The following GLS2 variants were observed in gnomAD, a reference collection of about 807,000 sequenced individuals.
The protein encoded by GLS2 is glutaminase liver isoform, mitochondrial.
GLS2 carries 52 observed loss-of-function variants against 79.0 expected under a neutral mutation model. The ratio of observed to expected loss-of-function variants is 0.66; its 90% CI spans 0.53 to 0.83. The LOEUF (loss-of-function observed/expected upper bound fraction) is 0.83, where lower values mean the gene tolerates loss of function less well. GLS2 is among the 40% of genes least tolerant of loss of function. The pLI, the probability that GLS2 is intolerant of heterozygous loss-of-function variation, is 0.00. For missense variants in GLS2, 561 were observed against 764.8 expected (o/e 0.73, Z 3.14); for synonymous variants, 238 against 280.8 (o/e 0.85, Z 1.52).
In GLS2 at chr12:56,472,628, C is replaced by T. The variant is rs1373173074; in HGVS notation, c.1511+62G>A. The T allele has an allele frequency of 3.5e-6, 5 of 1,445,106 alleles. No homozygotes were observed. The South Asian group carries it at 4.6e-5, about 13-fold the overall frequency. 89.5% of individuals were successfully genotyped at this position (1,445,106 alleles called of 1,614,324 possible). On this transcript the variant is annotated intron_variant, in intron 15 of 17. Coordinates refer to ENST00000311966, the MANE Select transcript of GLS2 (RefSeq NM_013267.4). The stretch of plus-strand genomic sequence containing the variant: ...GCACTTAACTATTTTGTTACGCTGC[C>T]TCCTAGTAAAATCTCTGACCAGGAG...
chr12:56,475,978 C>T lies in GLS2; in HGVS notation c.838-1G>A, dbSNP rs1267280436. On this transcript the variant is annotated splice_acceptor_variant, in intron 7 of 17. Transcript: ENST00000311966. LOFTEE classifies it high-confidence loss of function. The stretch of plus-strand genomic sequence containing the variant: ...ACTTCTCTGCTTTGTTACAGTCCAT[C>T]TGCAGAGAAAGAGAGAGATGTCAGC... The T allele has an allele frequency of 6.2e-7, 1 of 1,613,074 alleles. No homozygotes were observed. The highest frequency in any genetic ancestry group is 8.5e-7 in the Non-Finnish European group (1 of 1,179,942).
intron 1 of GLS2, among the ~76,000 whole-genome samples, chr12:56,482,931 T>C (rs189360188): frequency 2.0e-5 from 3 of 152,054 alleles, no homozygotes; most frequent in Admixed American, 1.3e-4. Context: ...TTTCCAAATA[T>C]GACAGCTAGT....
chr12:56,474,884 C>T lies in GLS2; in HGVS notation c.1009G>A (p.Gly337Arg), dbSNP rs1457788947. The T allele has an allele frequency of 6.2e-7, 1 of 1,614,142 alleles. No homozygotes were observed. The highest frequency in any genetic ancestry group is 1.1e-5 in the South Asian group (1 of 91,076). The change falls in exon 11 of 18, where the codon GGG (glycine) becomes AGG (arginine). Residue 337 changes from glycine (G) to arginine (R), a missense_variant. This residue lies in a region of GLS2 where 221 missense variants were observed against 275.6 expected (regional missense o/e 0.80). Transcript: ENST00000311966. ...YLKEKKCFPK[G>R]VDMMAALDLY... ...TCAAGGGCAGCCATCATGTCCACCC[C>T]CTTAGGAAAGCACTGCAAGGAAGAG... is the stretch of plus-strand genomic sequence containing the variant.
intron 1 of GLS2, among the ~76,000 whole-genome samples, chr12:56,484,810 C>T (rs117079454): frequency 1.7e-3 from 262 of 152,052 alleles, no homozygotes; most frequent in Middle Eastern, 6.8e-3. Context: ...ACCAAAAAAG[C>T]AAGGTATAGG....
At chr12:56,474,142 C>G in intron 12 of GLS2, 1 of 185,120 alleles carries the variant, frequency 5.4e-6, no homozygotes, top group South Asian at 9.5e-5. Context: ...GCCCAGGCTA[C>G]AGTGCAATGG....
intron 3 of GLS2, 87 bp downstream of exon 3, chr12:56,479,693 A>G (rs1870129281): frequency 1.4e-6 from 2 of 1,428,194 alleles, no homozygotes; most frequent in Non-Finnish European, 1.9e-6. Flanking sequence ...ATTGAACTAT[A>G]CAATTCCCAA....
intron 9 of GLS2, 174 bp from the exon 10 acceptor site, chr12:56,475,284 G>A: frequency 1.3e-6 from 2 of 1,485,290 alleles, no homozygotes; most frequent in Non-Finnish European, 1.8e-6. Flanking sequence ...CAAACACTCA[G>A]CATAGTTTTG....
intron 7 of GLS2, chr12:56,477,031 CAT>C (rs1031505526): frequency 6.6e-6 from 1 of 152,246 alleles, no homozygotes; most frequent in Non-Finnish European, 1.5e-5. Flanking sequence ...ATTGCTTACT[CAT>C]GTGTCAACTA....
In GLS2 at chr12:56,479,864, C is replaced by T. The variant is rs577629003; in HGVS notation, c.320G>A (p.Arg107Gln). ...KATGLQTSDP[R>Q]LRDCMSEMHR... ...CATCTCGCTCATGCAGTCTCGGAGC[C>T]GAGGATCTGATGTCTGCAGTCCAGT... Residue 107 changes from arginine to glutamine, a missense_variant, in exon 3 of 18, where the codon CGG becomes CAG. By Grantham distance (43) the Arg-to-Gln change is conservative. This residue lies in a region of GLS2 where 161 missense variants were observed against 167.8 expected (regional missense o/e 0.96). Coordinates refer to ENST00000311966, the MANE Select transcript of GLS2 (RefSeq NM_013267.4). 17 of 1,612,896 alleles carry T rather than the reference C, an allele frequency of 1.1e-5. No individual in the cohort carries two copies. Among genetic ancestry groups the T allele is most frequent in the Admixed American group, 5.0e-5 (3 of 60,000 alleles).
At chr12:56,472,600 G>A in intron 15 of GLS2, 90 bp downstream of exon 15, 1 of 1,182,486 alleles carries the variant, frequency 8.5e-7, no homozygotes, top group Non-Finnish European at 1.3e-6. Context: ...TTCCAAAGCT[G>A]AAGCACTTAA....
intron 1 of GLS2, among the ~76,000 whole-genome samples, chr12:56,486,973 C>A (rs1010250908): frequency 6.6e-6 from 1 of 151,730 alleles, no homozygotes; most frequent in Non-Finnish European, 1.5e-5. Flanking sequence ...GTCAGAGACT[C>A]GAGTAGTGGT....
In GLS2 at chr12:56,488,033, C is replaced by G; in HGVS notation, c.86G>C (p.Ser29Thr). ...GRGGWGHPSR[S>T]PLLGGGVRHH... is the part of the protein sequence containing the mutation. ...CCGGACGCCCCCGCCAAGGAGGGGG[C>G]TCCGGCTCGGGTGACCCCAGCCTCC... Residue 29 changes from serine to threonine, a missense_variant, in exon 1 of 18, where the codon AGC becomes ACC. Physicochemically the swap from Ser to Thr is moderately conservative, Grantham distance 58. Transcript: ENST00000311966. The G allele has an allele frequency of 1.3e-6, 2 of 1,593,386 alleles. No homozygotes were observed. Among genetic ancestry groups the G allele is most frequent in the Non-Finnish European group, 8.5e-7 (1 of 1,176,542 alleles).
chr12:56,472,004 A>C, intron 16 of GLS2, 115 bp downstream of exon 16: 1 of 1,327,126 alleles, frequency 7.5e-7, no homozygotes, highest in Non-Finnish European at 1.1e-6. Context: ...GGGTGTCTAG[A>C]TAAAACTAGT....
intron 1 of GLS2, chr12:56,487,685 G>A (rs886944149): frequency 1.3e-5 from 7 of 547,048 alleles, no homozygotes; most frequent in African/African-American, 2.0e-5. Flanking sequence ...CTGTGATCCG[G>A]GTTAAGTGCG....
chr12:56,475,860 G>A, intron 8 of GLS2, 85 bp downstream of exon 8: 2 of 1,478,428 alleles, frequency 1.4e-6, no homozygotes, highest in Non-Finnish European at 1.9e-6. Flanking sequence ...ACCTGGTAGT[G>A]GGGTTAGAGA....
At chr12:56,478,455 G>A (rs546655420) in intron 4 of GLS2, 193 bp from the exon 5 acceptor site, 26 of 597,724 alleles carry the variant, frequency 4.3e-5, no homozygotes, top group Admixed American at 3.3e-4. Context: ...TTGTGTATCC[G>A]CAATCCTGTA....
At position 56,479,799 on chromosome 12, in the gene GLS2, C is replaced by A; in HGVS notation, c.385G>T (p.Asp129Tyr). 1 of 1,606,830 alleles carries A rather than the reference C, an allele frequency of 6.2e-7. No homozygotes were observed. The highest frequency in any genetic ancestry group is 1.1e-5 in the South Asian group (1 of 90,622). ...CCTCACTTTCGGAAGAGATCTCGGTCCAAGAGGCCACCACTACTGGACTCT... is the reference window on the plus strand; with the variant it reads ...CCTCACTTTCGGAAGAGATCTCGGTACAAGAGGCCACCACTACTGGACTCT... ...VQESSSGGLL[D>Y]RDLFRKCVSS... Residue 129 changes from aspartate to tyrosine, a missense_variant, in exon 3 of 18, where the codon GAC (aspartate) becomes TAC (tyrosine). Transcript: ENST00000311966.
rs1325021239 is a variant in GLS2, at chr12:56,480,323, C to T, written c.247G>A (p.Gly83Arg). 6.2e-7 allele frequency: 1 copy of T among 1,614,132 alleles called. No individual in the cohort carries two copies. The highest frequency in any genetic ancestry group is 1.3e-5 in the African/African-American group (1 of 75,026). The part of the protein sequence containing the change: ...GDLLFYTIAE[G>R]QERIPIHKFT... ...TTGTGGATAGGGATTCGTTCCTGTCCTTCAGCAATAGTGTAAAAGAGCAAA... is the reference window on the plus strand; with the variant it reads ...TTGTGGATAGGGATTCGTTCCTGTCTTTCAGCAATAGTGTAAAAGAGCAAA... The change falls in exon 2 of 18, where the codon GGA becomes AGA. Residue 83 changes from glycine (G) to arginine (R), a missense_variant. Around this residue, in one of 4 missense-constraint regions of GLS2, gnomAD observed 161 missense variants for 167.8 expected, o/e 0.96. Coordinates refer to ENST00000311966, the MANE Select transcript of GLS2 (RefSeq NM_013267.4).
intron 12 of GLS2, chr12:56,474,161 C>T (rs1295584480): frequency 4.4e-5 from 10 of 227,974 alleles, no homozygotes; most frequent in South Asian, 5.4e-5. Context: ...GGCACAATCT[C>T]GGCTCAGTGC....
Sources: allele counts gnomAD v4.1 joint callset (sites outside exome capture counted in the v4.1 genomes callset), GRCh38; gene constraint gnomAD v4.1.1; regional missense constraint gnomAD v4.1.1; transcripts MANE v1.5; gene names NCBI Gene and HGNC (gene_info 2026-07-23, HGNC 2026-07-21).